The following KIF6 variants were observed in gnomAD, a reference collection of about 807,000 sequenced individuals.
KIF6 encodes the protein kinesin family member 6, also known as kinesin-like protein KIF6.
KIF6 carries 106 observed loss-of-function variants against 112.7 expected under a neutral mutation model. The ratio of observed to expected loss-of-function variants is 0.94; its 90% confidence interval spans 0.80 to 1.11. KIF6 has a LOEUF of 1.11. Among genes scored for constraint, KIF6 ranks in the 50% least tolerant of loss-of-function variants. KIF6 has a pLI of 0.00. For synonymous variants in KIF6, 339 were observed against 339.9 expected, an observed-to-expected ratio of 1.00 and a Z score of 0.03; for missense variants, 929 against 964.0, an observed-to-expected ratio of 0.96 and a Z score of 0.48.
intron 14 of KIF6, among the ~76,000 whole-genome samples, chr6:39,422,272 C>T (rs1770427062): frequency 6.6e-6 from 1 of 152,112 alleles, no homozygotes; most frequent in South Asian, 2.1e-4. Flanking sequence ...GGATGGAGTC[C>T]CCCAGCCTTG....
In KIF6 at chr6:39,661,002, G is replaced by C. The variant is rs566417251; in HGVS notation, c.252-21245C>G. ...TATTGCACTGCTGCTTTTTCCCTGA[G>C]AGCTGCAAAATCCAAATTGGTCTTA... is the stretch of plus-strand genomic sequence containing the variant. On this transcript the variant is annotated intron_variant, in intron 3 of 22. Coordinates refer to ENST00000287152, the MANE Select transcript of KIF6 (RefSeq NM_145027.6). 8.0e-4 allele frequency among the ~76,000 whole-genome samples: 121 copies of C among 152,182 alleles called. 1 individual carries two copies. The highest frequency in any genetic ancestry group is 2.8e-3 in the African/African-American group (115 of 41,542).
chr6:39,366,843 T>C (rs1434591937), intron 16 of KIF6, among the ~76,000 whole-genome samples: 3 of 151,426 alleles, frequency 2.0e-5, no homozygotes, highest in Non-Finnish European at 2.9e-5. Context: ...TGGGAGTATT[T>C]TGAGGAGAGG....
intron 6 of KIF6, among the ~76,000 whole-genome samples, chr6:39,597,218 A>G (rs1782325074): frequency 6.6e-6 from 1 of 152,244 alleles, no homozygotes; most frequent in African/African-American, 2.4e-5. Flanking sequence ...AGACAAATTG[A>G]TCCTAAATGG....
chr6:39,569,555 G>C (rs1392418982), intron 10 of KIF6, among the ~76,000 whole-genome samples: 1 of 152,160 alleles, frequency 6.6e-6, no homozygotes, highest in Non-Finnish European at 1.5e-5. Flanking sequence ...ACTTTTGTTT[G>C]ATTAGCCAAT....
chr6:39,388,182 C>G (rs986543273), intron 15 of KIF6, among the ~76,000 whole-genome samples: 3 of 152,174 alleles, frequency 2.0e-5, no homozygotes, highest in Admixed American at 6.5e-5. Context: ...GCCTCCAAAC[C>G]CCATGCCTTG....
At chr6:39,595,704 A>C (rs1782213307) in intron 7 of KIF6, among the ~76,000 whole-genome samples, 1 of 152,232 alleles carries the variant, frequency 6.6e-6, no homozygotes, top group Admixed American at 6.5e-5. Flanking sequence ...AACCAGACAC[A>C]AAAGGACAGA....
chr6:39,411,481 T>C (rs959391186), intron 15 of KIF6, among the ~76,000 whole-genome samples: 5 of 152,246 alleles, frequency 3.3e-5, no homozygotes, highest in African/African-American at 7.2e-5. Context: ...CCAAATCCTA[T>C]GAAAAGTGAC....
intron 13 of KIF6, among the ~76,000 whole-genome samples, chr6:39,474,738 G>A (rs150783049): frequency 3.3e-5 from 5 of 152,376 alleles, no homozygotes; most frequent in African/African-American, 1.2e-4. Context: ...ACTGTGTGTG[G>A]TAACGCTGTG....
intron 3 of KIF6, among the ~76,000 whole-genome samples, chr6:39,673,216 A>G (rs1786943035): frequency 6.6e-6 from 1 of 152,236 alleles, no homozygotes; most frequent in African/African-American, 2.4e-5. Flanking sequence ...GTTACAGGTA[A>G]GCAACCTAGC....
In KIF6 at chr6:39,342,412, C is replaced by T. The variant is rs930199879; in HGVS notation, c.2428+1297G>A. Among the ~76,000 whole-genome samples the T allele has an allele frequency of 3.3e-5, 5 of 152,262 alleles. No individual in the cohort carries two copies. Among genetic ancestry groups the T allele is most frequent in the South Asian group, 2.1e-4 (1 of 4,820 alleles). The stretch of plus-strand genomic sequence containing the variant: ...CTCCCCCTAGAATGTCAGTTTCTCA[C>T]GTGCTGGGTTCTGTCTTGTTCTCTG... On this transcript the variant is annotated intron_variant, in intron 22 of 22. Coordinates refer to ENST00000287152, the MANE Select transcript of KIF6 (RefSeq NM_145027.6). This position sits in a 1 kb window ranked among gnomAD's most constrained non-coding sequence, Gnocchi z 4.7.
At chr6:39,427,078 T>C (rs1770823789) in intron 14 of KIF6, among the ~76,000 whole-genome samples, 1 of 152,144 alleles carries the variant, frequency 6.6e-6, no homozygotes, top group African/African-American at 2.4e-5. Context: ...TCCAGGCTGG[T>C]GGGTCCTGGT....
intron 13 of KIF6, among the ~76,000 whole-genome samples, chr6:39,443,114 AAATAATAATAATAATAATAAT>A (rs370011414): frequency 7.6e-6 from 1 of 131,582 alleles, no homozygotes; most frequent in Non-Finnish European, 1.6e-5. Context: ...ACTGCATCTC[AAATAATAATAATAATAATAAT>A]AATAATAATA....
At chr6:39,387,179 T>A (rs1284391408) in intron 15 of KIF6, among the ~76,000 whole-genome samples, 3 of 152,192 alleles carry the variant, frequency 2.0e-5, no homozygotes, top group Non-Finnish European at 4.4e-5. Flanking sequence ...TTCCATTAAG[T>A]TATATGTAAG....
At chr6:39,557,907 G>A (rs1208397312) in intron 10 of KIF6, among the ~76,000 whole-genome samples, 1 of 149,864 alleles carries the variant, frequency 6.7e-6, no homozygotes, top group Non-Finnish European at 1.5e-5. Flanking sequence ...AATAATACTT[G>A]TTATCTTTGG....
chr6:39,386,838 C>T (rs1457492270), intron 15 of KIF6, among the ~76,000 whole-genome samples: 1 of 152,196 alleles, frequency 6.6e-6, no homozygotes, highest in Non-Finnish European at 1.5e-5. Context: ...GTCTGTATGG[C>T]ATGTCCCATT....
intron 10 of KIF6, among the ~76,000 whole-genome samples, chr6:39,574,998 A>C (rs1780860326): frequency 6.6e-6 from 1 of 152,208 alleles, no homozygotes; most frequent in Admixed American, 6.5e-5. Context: ...TTTGCTTCAT[A>C]AAAGTCAACT....
chr6:39,538,318 C>A (rs1778564856), intron 13 of KIF6, among the ~76,000 whole-genome samples: 2 of 151,826 alleles, frequency 1.3e-5, no homozygotes, highest in South Asian at 4.2e-4. Context: ...ACCTACTCAT[C>A]TGACAGAGGG....
At chr6:39,526,380 C>T (rs1358881001) in intron 13 of KIF6, among the ~76,000 whole-genome samples, 1 of 152,192 alleles carries the variant, frequency 6.6e-6, no homozygotes, top group African/African-American at 2.4e-5. Context: ...AAACCCTCAA[C>T]TATCCAGTCC....
chr6:39,712,394 T>C (rs1789607062), intron 3 of KIF6, among the ~76,000 whole-genome samples: 1 of 151,874 alleles, frequency 6.6e-6, no homozygotes, highest in Non-Finnish European at 1.5e-5. Flanking sequence ...TGATAAAAGA[T>C]AAAACCCACC....
Sources: allele counts gnomAD v4.1 joint callset (sites outside exome capture counted in the v4.1 genomes callset), GRCh38; gene constraint gnomAD v4.1.1; non-coding constraint Gnocchi (gnomAD v3.1); transcripts MANE v1.5; gene names NCBI Gene and HGNC (gene_info 2026-07-23, HGNC 2026-07-21).